TCERG1L: variants seen among roughly 807,000 people sequenced by gnomAD.
TCERG1L encodes transcription elongation regulator 1 like.
TCERG1L carries 37 observed loss-of-function variants against 56.3 expected under a neutral mutation model. The ratio of observed to expected loss-of-function variants is 0.66; its 90% CI spans 0.51 to 0.87. The LOEUF (loss-of-function observed/expected upper bound fraction) is 0.87, where lower values mean the gene tolerates loss of function less well. Among genes scored for constraint, TCERG1L ranks in the 40% least tolerant of loss-of-function variants. The pLI is 0.00. For missense variants in TCERG1L, 799 were observed against 774.2 expected (o/e 1.03, Z -0.38); for synonymous variants, 324 against 326.3 (o/e 0.99, Z 0.08).
intron 4 of TCERG1L, among the ~76,000 whole-genome samples, chr10:131,248,632 G>T (rs1269231457): frequency 6.6e-6 from 1 of 152,190 alleles, no homozygotes; most frequent in Non-Finnish European, 1.5e-5. Flanking sequence ...CCTAGTTCGG[G>T]ACAGGCAGGA....
At chr10:131,297,062 T>C (rs917481776) in intron 3 of TCERG1L, among the ~76,000 whole-genome samples, 9 of 152,202 alleles carry the variant, frequency 5.9e-5, no homozygotes, top group Non-Finnish European at 8.8e-5. Flanking sequence ...CCAGTTTGTA[T>C]GTTTTTCTTT....
Position 131,260,501 on chromosome 10 carries a change from G to A in TCERG1L, c.671-57C>T. 7.5e-7 allele frequency: 1 copy of A among 1,333,312 alleles called. No homozygotes were observed. Among genetic ancestry groups the A allele is most frequent in the Non-Finnish European group, 9.6e-7 (1 of 1,038,318 alleles). 82.6% of individuals were successfully genotyped at this position (1,333,312 alleles called of 1,614,324 possible). On this transcript the variant is annotated intron_variant, in intron 3 of 11. Transcript: ENST00000368642. This position sits in a 1 kb window ranked among gnomAD's most constrained non-coding sequence, Gnocchi z 5.8. ...GGGACGACCAGGGCCATGGGTGACAGATGCCCATCTCGCTACCGCAAGATA... is the reference window on the plus strand; with the variant it reads ...GGGACGACCAGGGCCATGGGTGACAAATGCCCATCTCGCTACCGCAAGATA...
At chr10:131,179,654 CT>C (rs1845150376) in intron 4 of TCERG1L, among the ~76,000 whole-genome samples, 5 of 152,208 alleles carry the variant, frequency 3.3e-5, no homozygotes, top group Admixed American at 3.3e-4. Context: ...TCCACTAATT[CT>C]TCTGGCCCTT....
chr10:131,284,213 C>T (rs916165271), intron 3 of TCERG1L, among the ~76,000 whole-genome samples: 11 of 150,596 alleles, frequency 7.3e-5, no homozygotes, highest in African/African-American at 2.7e-4. Flanking sequence ...TTGTTGTATA[C>T]AGCCCACAGT....
At chr10:131,126,303 G>A (rs914156572) in intron 8 of TCERG1L, among the ~76,000 whole-genome samples, 2 of 152,226 alleles carry the variant, frequency 1.3e-5, no homozygotes, top group Non-Finnish European at 2.9e-5. Context: ...GGCAGAATGA[G>A]GAGTGATCAG....
chr10:131,214,251 C>T (rs1456198154), intron 4 of TCERG1L, among the ~76,000 whole-genome samples: 1 of 152,054 alleles, frequency 6.6e-6, no homozygotes, highest in Non-Finnish European at 1.5e-5. Flanking sequence ...CCCTCCATCT[C>T]CACTGCACGC....
chr10:131,157,034 C>A (rs577905844), intron 6 of TCERG1L, among the ~76,000 whole-genome samples: 37 of 152,306 alleles, frequency 2.4e-4, no homozygotes, highest in African/African-American at 7.9e-4. Flanking sequence ...TGCAGTCAGC[C>A]CCTGGCTTCT....
intron 7 of TCERG1L, among the ~76,000 whole-genome samples, chr10:131,136,776 G>A (rs72845622): frequency 0.24 from 36,189 of 150,990 alleles, 4,682 homozygotes; most frequent in Non-Finnish European, 0.28. Context: ...GATTACAGGC[G>A]TGAGCCACCA....
chr10:131,261,722 C>T (rs1420200012), intron 3 of TCERG1L, among the ~76,000 whole-genome samples: 2 of 152,178 alleles, frequency 1.3e-5, no homozygotes, highest in Non-Finnish European at 2.9e-5. Context: ...GGCTGGCCTT[C>T]GGGGAAGGTT....
intron 4 of TCERG1L, among the ~76,000 whole-genome samples, chr10:131,251,052 T>C (rs1242690194): frequency 1.3e-5 from 2 of 152,148 alleles, no homozygotes; most frequent in Non-Finnish European, 2.9e-5. Flanking sequence ...CGGAACATCA[T>C]CACGCTCTCA....
At position 131,191,886 on chromosome 10, in the gene TCERG1L, A is replaced by AAAAG. The variant is rs1564811255; in HGVS notation, c.857-25005_857-25002dup. Among the ~76,000 whole-genome samples, 75 of 136,680 alleles carry AAAAG rather than the reference A, an allele frequency of 5.5e-4. 2 individuals are homozygous for AAAAG. The South Asian group carries it at 7.1e-3, about 13-fold the overall frequency. The allele number at this position is 136,680 out of a possible 152,430, so 89.7% of individuals were successfully genotyped here. A position where few individuals can be genotyped will look rare whatever the true frequency, so the allele number is the denominator to read the frequency against. On this transcript the variant is annotated intron_variant, in intron 4 of 11. Transcript: ENST00000368642. ...TCTCAAAAAAAAAAAAAAAAAAAAA[A>AAAAG]AAAGAAAAAAAGAAAAAGACCTGAA...
chr10:131,166,074 G>C (rs1328162032), intron 5 of TCERG1L, among the ~76,000 whole-genome samples: 2 of 152,222 alleles, frequency 1.3e-5, no homozygotes, highest in East Asian at 3.9e-4. Context: ...CACCTGCACT[G>C]ATGATTCAGG....
chr10:131,255,809 TC>T (rs1169829794), intron 4 of TCERG1L, among the ~76,000 whole-genome samples: 1 of 152,240 alleles, frequency 6.6e-6, no homozygotes, highest in Non-Finnish European at 1.5e-5. Context: ...AGGAATGATT[TC>T]CCTGTGAAAG....
chr10:131,232,856 C>T (rs1205077370), intron 4 of TCERG1L, among the ~76,000 whole-genome samples: 2 of 152,326 alleles, frequency 1.3e-5, no homozygotes, highest in South Asian at 2.1e-4. Context: ...TTTCCAATCT[C>T]TACATCTTCA....
chr10:131,232,457 C>A (rs530245617), intron 4 of TCERG1L, among the ~76,000 whole-genome samples: 1 of 152,338 alleles, frequency 6.6e-6, no homozygotes, highest in South Asian at 2.1e-4. Context: ...CCAGACCGTA[C>A]ACGCACACGC....
rs1345795776 is a variant in TCERG1L, at chr10:131,311,368, G to C, written c.268C>G (p.Leu90Val). The change falls in exon 1 of 12, where the codon CTG becomes GTG. Residue 90 changes from leucine to valine, a missense_variant. Coordinates refer to ENST00000368642, the MANE Select transcript of TCERG1L (RefSeq NM_174937.4). This position sits in a 1 kb window ranked among gnomAD's most constrained non-coding sequence, Gnocchi z 4.0. ...WPAPSEPVLPLLPLPSAPDSA... is the reference protein window; with the variant it reads ...WPAPSEPVLPVLPLPSAPDSA... Reference sequence around the variant, plus strand: ...TCTGGCGCAGAGGGCAGCGGCAGCAGCGGGAGCACCGGCTCGCTCGGGGCC... The same window carrying C: ...TCTGGCGCAGAGGGCAGCGGCAGCACCGGGAGCACCGGCTCGCTCGGGGCC... 3 of 1,197,682 alleles carry C rather than the reference G, an allele frequency of 2.5e-6. No individual in the cohort carries two copies. The highest frequency in any genetic ancestry group is 3.6e-5 in the East Asian group (1 of 28,032). 74.2% of individuals were successfully genotyped at this position (1,197,682 alleles called of 1,614,324 possible).
intron 4 of TCERG1L, among the ~76,000 whole-genome samples, chr10:131,168,066 C>G (rs2133437316): frequency 6.6e-6 from 1 of 152,298 alleles, no homozygotes; most frequent in African/African-American, 2.4e-5. Context: ...GAGCTCAAGA[C>G]TGGGCAGTGC....
intron 4 of TCERG1L, among the ~76,000 whole-genome samples, chr10:131,258,898 A>C (rs1846203955): frequency 6.6e-6 from 1 of 152,210 alleles, no homozygotes; most frequent in African/African-American, 2.4e-5. Flanking sequence ...TTTTCCTCTG[A>C]AAACAGTAAG....
chr10:131,249,862 A>G (rs1332603352), intron 4 of TCERG1L, among the ~76,000 whole-genome samples: 8 of 152,214 alleles, frequency 5.3e-5, no homozygotes, highest in African/African-American at 1.7e-4. Context: ...CTGGCAAATA[A>G]GAACCTGGGG....
Sources: allele counts gnomAD v4.1 joint callset (sites outside exome capture counted in the v4.1 genomes callset), GRCh38; gene constraint gnomAD v4.1.1; non-coding constraint Gnocchi (gnomAD v3.1); transcripts MANE v1.5; gene names NCBI Gene and HGNC (gene_info 2026-07-23, HGNC 2026-07-21).